GULP1: variants seen among roughly 807,000 people sequenced by gnomAD.
GULP1 encodes GULP PTB domain containing engulfment adaptor 1.
Under a neutral mutation model 40.9 loss-of-function variants are expected in GULP1, and 19 were observed. The observed-to-expected ratio is 0.46, with a 90% confidence interval of 0.32 to 0.68. The LOEUF is 0.68. Among genes scored for constraint, GULP1 ranks in the 30% least tolerant of loss-of-function variants. The pLI is 0.03. For missense variants in GULP1, 312 were observed against 362.2 expected (o/e 0.86, Z 1.12); for synonymous variants, 119 against 117.6 (o/e 1.01, Z -0.08).
At chr2:188,362,461 C>G (rs113822973) in intron 1 of GULP1, among the ~76,000 whole-genome samples, 3 of 152,130 alleles carry the variant, frequency 2.0e-5, no homozygotes, top group African/African-American at 7.2e-5. Context: ...TTGATGATGC[C>G]TTACTCACCT....
At chr2:188,539,150 T>C (rs889191360) in intron 6 of GULP1, among the ~76,000 whole-genome samples, 31 of 152,030 alleles carry the variant, frequency 2.0e-4, no homozygotes, top group African/African-American at 7.2e-4. Flanking sequence ...GAAATGAGAG[T>C]AAATGAGAGA....
intron 1 of GULP1, among the ~76,000 whole-genome samples, chr2:188,314,887 C>T (rs2038822157): frequency 6.6e-6 from 1 of 152,134 alleles, no homozygotes; most frequent in Admixed American, 6.6e-5. Flanking sequence ...TCCGTGCTGT[C>T]TGTGCTCCCC....
At chr2:188,346,861 C>T (rs1187673070) in intron 1 of GULP1, among the ~76,000 whole-genome samples, 1 of 151,210 alleles carries the variant, frequency 6.6e-6, no homozygotes, top group Non-Finnish European at 1.5e-5. Context: ...ATCCCAACTA[C>T]TCAGGAGGCT....
intron 9 of GULP1, chr2:188,582,662 T>C (rs1166770948): frequency 7.7e-6 from 3 of 389,040 alleles, no homozygotes; most frequent in African/African-American, 4.2e-5. Context: ...AAAATTTAGA[T>C]GTATCTTGAG....
intron 4 of GULP1, among the ~76,000 whole-genome samples, chr2:188,498,609 A>C (rs1008865625): frequency 1.3e-5 from 2 of 151,906 alleles, no homozygotes; most frequent in African/African-American, 4.8e-5. Context: ...AAGTTTCACT[A>C]TCCTCAAAGG....
intron 1 of GULP1, among the ~76,000 whole-genome samples, chr2:188,375,466 A>T (rs2048176216): frequency 6.6e-6 from 1 of 152,190 alleles, no homozygotes; most frequent in African/African-American, 2.4e-5. Flanking sequence ...TTTCTGGCCC[A>T]ACTTTTCGTT....
At chr2:188,591,910 TATG>T (rs1703638242) in intron 11 of GULP1, 1 of 151,874 alleles carries the variant, frequency 6.6e-6, no homozygotes, top group Admixed American at 6.6e-5. Context: ...GACGTTAGCT[TATG>T]ATAATTCCCA....
At chr2:188,404,389 G>T (rs965543798) in intron 2 of GULP1, among the ~76,000 whole-genome samples, 9 of 152,062 alleles carry the variant, frequency 5.9e-5, no homozygotes, top group African/African-American at 2.2e-4. Flanking sequence ...TACATTACCC[G>T]CATCACTCAT....
At chr2:188,394,817 A>G (rs1378793367) in intron 2 of GULP1, among the ~76,000 whole-genome samples, 1 of 152,122 alleles carries the variant, frequency 6.6e-6, no homozygotes, top group East Asian at 1.9e-4. Context: ...TTCCTTGGTT[A>G]TAGAGGGTGT....
At chr2:188,531,942 T>C (rs1163098411) in intron 6 of GULP1, among the ~76,000 whole-genome samples, 2 of 152,210 alleles carry the variant, frequency 1.3e-5, no homozygotes, top group Non-Finnish European at 1.5e-5. Flanking sequence ...GCCATGCTTA[T>C]GTTGAAAGTT....
At chr2:188,361,700 G>A (rs528789126) in intron 1 of GULP1, among the ~76,000 whole-genome samples, 2 of 152,134 alleles carry the variant, frequency 1.3e-5, no homozygotes, top group East Asian at 3.9e-4. Context: ...AACTTTGTTG[G>A]CGGAAAATTG....
intron 5 of GULP1, among the ~76,000 whole-genome samples, chr2:188,526,867 ATAGCT>A (rs1192684716): frequency 6.6e-6 from 1 of 152,196 alleles, no homozygotes; most frequent in Non-Finnish European, 1.5e-5. Flanking sequence ...ACCATGGTAC[ATAGCT>A]TATCTGGGAC....
intron 2 of GULP1, among the ~76,000 whole-genome samples, chr2:188,476,711 A>G (rs985877074): frequency 6.6e-6 from 1 of 152,144 alleles, no homozygotes; most frequent in Non-Finnish European, 1.5e-5. Context: ...TCAATTCATG[A>G]ATATTCTGTT....
chr2:188,418,859 C>T (rs1305658738), intron 2 of GULP1, among the ~76,000 whole-genome samples: 2 of 152,128 alleles, frequency 1.3e-5, no homozygotes, highest in Admixed American at 6.5e-5. Context: ...ACTTTATTCC[C>T]GTTGATTATT....
chr2:188,591,833 A>G (rs975554499), intron 11 of GULP1: 2 of 151,880 alleles, frequency 1.3e-5, no homozygotes, highest in African/African-American at 4.8e-5. Context: ...AAGAAAATTC[A>G]TCAAAATCTT....
intron 1 of GULP1, among the ~76,000 whole-genome samples, chr2:188,376,122 C>A (rs1025083403): frequency 1.3e-5 from 2 of 151,958 alleles, no homozygotes; most frequent in African/African-American, 4.8e-5. Context: ...GTGGACCGAC[C>A]CATGCAGTCC....
At chr2:188,563,895 C>T (rs1010366655) in intron 7 of GULP1, among the ~76,000 whole-genome samples, 1 of 151,820 alleles carries the variant, frequency 6.6e-6, no homozygotes, top group African/African-American at 2.4e-5. Flanking sequence ...AATTCCAAAT[C>T]GAGTCCAGCA....
intron 6 of GULP1, among the ~76,000 whole-genome samples, chr2:188,533,742 C>G (rs895120069): frequency 1.1e-4 from 17 of 152,230 alleles, no homozygotes; most frequent in Admixed American, 1.0e-3. Flanking sequence ...TAACAAACAT[C>G]TAATATCCGG....
At chr2:188,389,193 A>G (rs2050191060) in intron 2 of GULP1, among the ~76,000 whole-genome samples, 1 of 152,182 alleles carries the variant, frequency 6.6e-6, no homozygotes, top group South Asian at 2.1e-4. Flanking sequence ...GGCTTTGAAC[A>G]CTGAAGAATT....
Sources: allele counts gnomAD v4.1 joint callset (sites outside exome capture counted in the v4.1 genomes callset), GRCh38; gene constraint gnomAD v4.1.1; transcripts MANE v1.5; gene names NCBI Gene and HGNC (gene_info 2026-07-23, HGNC 2026-07-21).